The following RBFOX1 variants were observed in gnomAD, a reference collection of about 807,000 sequenced individuals.
RBFOX1 encodes RNA binding fox-1 homolog 1.
Under a neutral mutation model 57.7 loss-of-function variants are expected in RBFOX1, and 8 were observed. The ratio of observed to expected loss-of-function variants is 0.14; its 90% confidence interval spans 0.08 to 0.25. The LOEUF is 0.25. RBFOX1 is among the 10% of genes least tolerant of loss of function. The pLI is 1.00. For missense variants in RBFOX1, 611 were observed against 548.5 expected (o/e 1.11, Z -1.14); for synonymous variants, 326 against 222.4 (o/e 1.47, Z -4.15).
chr16:5,961,199 A>G (rs2059741351), intron 4 of RBFOX1, among the ~76,000 whole-genome samples: 1 of 152,040 alleles, frequency 6.6e-6, no homozygotes. Context: ...ATTCTATTCT[A>G]TTTTATTCAG....
chr16:7,611,241 T>A (rs1357392164), intron 10 of RBFOX1, among the ~76,000 whole-genome samples: 3 of 152,372 alleles, frequency 2.0e-5, no homozygotes, highest in African/African-American at 7.2e-5. Context: ...GGTAATTTTC[T>A]TAGTTTAGTA....
At chr16:6,655,413 C>A (rs529185787) in intron 3 of RBFOX1, among the ~76,000 whole-genome samples, 1 of 103,198 alleles carries the variant, frequency 9.7e-6, no homozygotes, top group South Asian at 3.4e-4. Flanking sequence ...AGAGCTCGCG[C>A]TCAATTTCCA....
At chr16:7,425,027 A>G (rs2098596680) in intron 4 of RBFOX1, among the ~76,000 whole-genome samples, 1 of 152,204 alleles carries the variant, frequency 6.6e-6, no homozygotes, top group African/African-American at 2.4e-5. Context: ...ATTTTGACAT[A>G]AAAGGGGGAA....
intron 2 of RBFOX1, among the ~76,000 whole-genome samples, chr16:6,627,869 A>G (rs1447026941): frequency 1.3e-5 from 2 of 152,234 alleles, no homozygotes; most frequent in African/African-American, 4.8e-5. Context: ...GAAGTTTCAC[A>G]AAGCATTTAG....
chr16:6,189,960 C>T (rs1231666552), intron 1 of RBFOX1, among the ~76,000 whole-genome samples: 4 of 151,984 alleles, frequency 2.6e-5, no homozygotes, highest in Non-Finnish European at 5.9e-5. Context: ...GGAGATTTTC[C>T]CCAATGTTTT....
At chr16:7,300,261 CTTTG>C (rs2096000735) in intron 4 of RBFOX1, among the ~76,000 whole-genome samples, 1 of 152,120 alleles carries the variant, frequency 6.6e-6, no homozygotes, top group Non-Finnish European at 1.5e-5. Context: ...TGTCAGGGAC[CTTTG>C]TTTGTCCGGC....
In RBFOX1 at chr16:6,253,695, GTGTGTA is replaced by G. The variant is rs1408362737; in HGVS notation, c.-126-63298_-126-63293del. On this transcript the variant is annotated intron_variant, in intron 1 of 15. Coordinates refer to ENST00000550418, the MANE Select transcript of RBFOX1 (RefSeq NM_018723.4). ...TGTGCATGTGTGTGTGTGTGTGTGTGTGTGTATATATATATATATGTACCTATACAG... is the reference window on the plus strand; with the variant it reads ...TGTGCATGTGTGTGTGTGTGTGTGTGTATATATATATATGTACCTATACAG... 1.6e-3 allele frequency among the ~76,000 whole-genome samples: 151 copies of G among 96,294 alleles called. 1 individual carries two copies. The highest frequency in any genetic ancestry group is 5.1e-3 in the Middle Eastern group (1 of 198). The allele number at this position is 96,294 out of a possible 152,430, so 63.2% of individuals were successfully genotyped here. A position where few individuals can be genotyped will look rare whatever the true frequency, so the allele number is the denominator to read the frequency against.
intron 1 of RBFOX1, among the ~76,000 whole-genome samples, chr16:6,189,985 A>C (rs1297546599): frequency 6.6e-6 from 1 of 152,158 alleles, no homozygotes; most frequent in African/African-American, 2.4e-5. Flanking sequence ...TAGTAGTTTC[A>C]TAGTTTGAGG....
rs181412770 is a variant in RBFOX1, at chr16:5,549,560, C to G, written c.259-49342C>G. 3.7e-4 allele frequency among the ~76,000 whole-genome samples: 57 copies of G among 152,244 alleles called. No homozygotes were observed. In the East Asian group the frequency reaches 5.4e-3, roughly 14 times the overall value. On this transcript the variant is annotated intron_variant, in intron 2 of 2. Transcript: ENST00000585867. ...TACAGTCAGTTCTGTGATAGCGTGA[C>G]ATGTATTTTCCTAAACTTGACTATA...
intron 4 of RBFOX1, among the ~76,000 whole-genome samples, chr16:7,250,824 T>G (rs555662635): frequency 6.6e-6 from 1 of 152,336 alleles, no homozygotes; most frequent in Admixed American, 6.5e-5. Flanking sequence ...GCTACTCTGT[T>G]TCCTTCTTTT....
intron 3 of RBFOX1, among the ~76,000 whole-genome samples, chr16:5,709,837 ATATATATTTTTTTTTTTTTTTT>A (rs1391173796): frequency 5.8e-4 from 4 of 6,858 alleles, no homozygotes; most frequent in Non-Finnish European, 9.8e-4. Flanking sequence ...ATATATATAT[ATATATATTTTTTTTTTTTTTTT>A]TTTTTTTTTT....
At chr16:6,170,553 G>C (rs1426757802) in intron 1 of RBFOX1, among the ~76,000 whole-genome samples, 1 of 152,166 alleles carries the variant, frequency 6.6e-6, no homozygotes, top group African/African-American at 2.4e-5. Flanking sequence ...ATAAATGTCA[G>C]AATACACTCA....
rs6501003 is a variant in RBFOX1 at position 7,628,294 on chromosome 16, G to A, written c.677-2309G>A. Among the ~76,000 whole-genome samples the A allele has an allele frequency of 5.3e-5, 8 of 151,984 alleles. No individual in the cohort carries two copies. The East Asian group carries it at 9.7e-4, about 18-fold the overall frequency. On this transcript the variant is annotated intron_variant, in intron 10 of 15. Transcript: ENST00000550418. ...TAAATCCACTTGCTAGGATCCTATC[G>A]TAGATGATTCCGACCTGATAACTCT...
chr16:5,643,309 T>C (rs74004452), intron 3 of RBFOX1, among the ~76,000 whole-genome samples: 14,268 of 152,186 alleles, frequency 0.094, 1,991 homozygotes, highest in African/African-American at 0.3. Flanking sequence ...ATCGTTTTTT[T>C]AGGGTGTGGC....
At chr16:6,602,763 G>A (rs540024842) in intron 2 of RBFOX1, among the ~76,000 whole-genome samples, 22 of 152,244 alleles carry the variant, frequency 1.4e-4, no homozygotes, top group African/African-American at 4.8e-4. Flanking sequence ...TCCCTTCTGT[G>A]CATTCCTCTT....
intron 4 of RBFOX1, among the ~76,000 whole-genome samples, chr16:5,923,551 CT>C (rs369920590): frequency 0.23 from 21,964 of 93,822 alleles, 1,639 homozygotes; most frequent in Middle Eastern, 0.32. Context: ...TTTTTTTTTT[CT>C]TTTTTTTGAG....
chr16:5,445,097 G>C (rs2068201842), intron 1 of RBFOX1, among the ~76,000 whole-genome samples: 1 of 152,200 alleles, frequency 6.6e-6, no homozygotes, highest in South Asian at 2.1e-4. Flanking sequence ...CTGGCAGGTA[G>C]GTGGGAATGT....
At chr16:6,641,227 A>C (rs1347021333) in intron 2 of RBFOX1, among the ~76,000 whole-genome samples, 1 of 152,152 alleles carries the variant, frequency 6.6e-6, no homozygotes, top group East Asian at 1.9e-4. Context: ...TTCAAATCAG[A>C]GGTTCAGGGC....
chr16:6,161,123 T>C (rs1186962705), intron 1 of RBFOX1, among the ~76,000 whole-genome samples: 2 of 152,174 alleles, frequency 1.3e-5, no homozygotes, highest in Non-Finnish European at 2.9e-5. Flanking sequence ...GCACAGTGAC[T>C]CATGCTTGTC....
Sources: gnomAD v4.1 joint callset for allele counts (sites outside exome capture counted in the v4.1 genomes callset) on GRCh38, gnomAD v4.1.1 for gene constraint, MANE v1.5 for transcripts, NCBI Gene and HGNC (gene_info 2026-07-23, HGNC 2026-07-21) for gene names.